Variants in MEIS2 observed in about 807,000 individuals in gnomAD.
MEIS2 encodes the protein homeobox protein Meis2.
In MEIS2, 9 loss-of-function variants were observed where a neutral mutation model predicts 58.6. The observed-to-expected ratio is 0.15, with a 90% CI of 0.09 to 0.27. The LOEUF is 0.27. Among genes scored for constraint, MEIS2 ranks in the 10% least tolerant of loss-of-function variants. The probability of loss-of-function intolerance (pLI) is 1.00; values close to 1 mark genes in which losing one functional copy is unlikely to be tolerated. For missense variants in MEIS2, 427 were observed against 635.0 expected, an observed-to-expected ratio of 0.67 and a Z score of 3.52; for synonymous variants, 221 against 228.4, an observed-to-expected ratio of 0.97 and a Z score of 0.29.
intron 8 of MEIS2, among the ~76,000 whole-genome samples, chr15:37,030,387 A>T (rs2061868058): frequency 6.6e-6 from 1 of 151,836 alleles, no homozygotes; most frequent in Non-Finnish European, 1.5e-5. Flanking sequence ...TTTAGGCTGG[A>T]GTGCAGTGGC....
chr15:36,937,845 G>A (rs989629801), intron 9 of MEIS2, among the ~76,000 whole-genome samples: 1 of 152,016 alleles, frequency 6.6e-6, no homozygotes, highest in African/African-American at 2.4e-5. Flanking sequence ...GAAAATTGGG[G>A]GTTGTCTATT....
At chr15:36,927,407 A>T (rs546913314) in intron 9 of MEIS2, among the ~76,000 whole-genome samples, 13 of 152,196 alleles carry the variant, frequency 8.5e-5, no homozygotes, top group Non-Finnish European at 1.9e-4. Flanking sequence ...GAAACGAAGG[A>T]AGGAAGGGCT....
At chr15:37,089,825 T>G (rs1006881128) in intron 6 of MEIS2, among the ~76,000 whole-genome samples, 1 of 152,174 alleles carries the variant, frequency 6.6e-6, no homozygotes, top group Non-Finnish European at 1.5e-5. Context: ...TATCTTTACA[T>G]GTAATATCTT....
intron 8 of MEIS2, among the ~76,000 whole-genome samples, chr15:36,990,690 C>T (rs1247983160): frequency 6.6e-6 from 1 of 151,204 alleles, no homozygotes; most frequent in Non-Finnish European, 1.5e-5. Context: ...TACAATGGAC[C>T]AATTTAAAGT....
chr15:36,917,176 G>A (rs769831403), intron 9 of MEIS2, among the ~76,000 whole-genome samples: 7 of 152,128 alleles, frequency 4.6e-5, no homozygotes, highest in East Asian at 1.9e-4. Flanking sequence ...CTCTTTATCC[G>A]CTATTTCCCA....
intron 8 of MEIS2, among the ~76,000 whole-genome samples, chr15:36,989,760 T>C (rs564197703): frequency 6.6e-6 from 1 of 152,348 alleles, no homozygotes; most frequent in South Asian, 2.1e-4. Flanking sequence ...ATAGCTTAAT[T>C]GTTGGTTTAC....
At position 37,100,241 on chromosome 15, in the gene MEIS2, C is replaced by T. The variant is rs1039686805; in HGVS notation, c.-775G>A. ...CCCTTTCCTGGTAGGTATTTTGTCT[C>T]TCCCTCTCTCTCTTTCTCGCTCGCT... On this transcript the variant is annotated 5_prime_UTR_variant, in exon 1 of 12. Coordinates refer to ENST00000561208, the MANE Select transcript of MEIS2 (RefSeq NM_170675.5). 6.6e-6 allele frequency: 1 copy of T among 152,562 alleles called. No homozygotes were observed. Among genetic ancestry groups the T allele is most frequent in the Admixed American group, 6.5e-5 (1 of 15,270 alleles). The allele number at this position is 152,562 out of a possible 1,614,324, so 9.5% of individuals were successfully genotyped here.
chr15:37,024,035 G>A (rs984733616), intron 8 of MEIS2, among the ~76,000 whole-genome samples: 3 of 149,550 alleles, frequency 2.0e-5, no homozygotes, highest in Non-Finnish European at 3.0e-5. Context: ...TCAGCCTCCC[G>A]ATTAGCTGGG....
chr15:36,993,877 C>T (rs1282272126), intron 8 of MEIS2, among the ~76,000 whole-genome samples: 1 of 152,092 alleles, frequency 6.6e-6, no homozygotes, highest in Non-Finnish European at 1.5e-5. Flanking sequence ...TAAATGTAGA[C>T]ATTTTTACGA....
intron 8 of MEIS2, among the ~76,000 whole-genome samples, chr15:37,008,061 A>C (rs1399101620): frequency 6.6e-6 from 1 of 152,252 alleles, no homozygotes; most frequent in East Asian, 1.9e-4. Flanking sequence ...ACAGTAGAAA[A>C]GTATTCATTT....
intron 7 of MEIS2, among the ~76,000 whole-genome samples, chr15:37,080,060 G>A (rs1162369626): frequency 3.3e-5 from 5 of 152,108 alleles, no homozygotes; most frequent in Non-Finnish European, 7.4e-5. Flanking sequence ...CCATTACAAC[G>A]ATTTTACAGC....
At chr15:36,930,275 T>C (rs1027756492) in intron 9 of MEIS2, among the ~76,000 whole-genome samples, 6 of 144,472 alleles carry the variant, frequency 4.2e-5, no homozygotes, top group East Asian at 2.0e-4. Context: ...CAGAGATATG[T>C]AGAGCTGATT....
At chr15:36,936,179 G>T (rs925293567) in intron 9 of MEIS2, among the ~76,000 whole-genome samples, 7 of 151,288 alleles carry the variant, frequency 4.6e-5, no homozygotes, top group Non-Finnish European at 1.0e-4. Flanking sequence ...TGCAAGGAGT[G>T]GGAGGTGCAT....
chr15:36,975,787 A>G (rs1340697046), intron 8 of MEIS2, among the ~76,000 whole-genome samples: 1 of 152,190 alleles, frequency 6.6e-6, no homozygotes, highest in Non-Finnish European at 1.5e-5. Context: ...TAATTTCAAG[A>G]GATCTATCGT....
chr15:37,000,745 C>T (rs149157789), intron 8 of MEIS2, among the ~76,000 whole-genome samples: 1 of 152,270 alleles, frequency 6.6e-6, no homozygotes, highest in Non-Finnish European at 1.5e-5. Context: ...TTCACTTCTA[C>T]CAGATCCTTT....
intron 8 of MEIS2, among the ~76,000 whole-genome samples, chr15:37,011,455 G>T (rs1051668624): frequency 2.0e-5 from 3 of 152,162 alleles, no homozygotes; most frequent in African/African-American, 7.2e-5. Flanking sequence ...GAGTCCAAAA[G>T]AATTAGCTTT....
intron 8 of MEIS2, among the ~76,000 whole-genome samples, chr15:37,029,386 T>C (rs530950147): frequency 6.6e-6 from 1 of 152,332 alleles, no homozygotes; most frequent in African/African-American, 2.4e-5. Flanking sequence ...CATAGCTATT[T>C]GTATTATGTA....
At chr15:36,985,904 C>A (rs936976615) in intron 8 of MEIS2, among the ~76,000 whole-genome samples, 6 of 152,164 alleles carry the variant, frequency 3.9e-5, no homozygotes, top group Middle Eastern at 3.2e-3. Flanking sequence ...CATACTAATT[C>A]TTTTATTCAA....
chr15:36,954,463 A>G (rs1184682754), intron 8 of MEIS2, among the ~76,000 whole-genome samples: 2 of 147,950 alleles, frequency 1.4e-5, no homozygotes, highest in South Asian at 2.1e-4. Flanking sequence ...GTAATTATAT[A>G]TAATTATATA....
Sources: gnomAD v4.1 joint callset for allele counts (sites outside exome capture counted in the v4.1 genomes callset) on GRCh38, gnomAD v4.1.1 for gene constraint, MANE v1.5 for transcripts, NCBI Gene and HGNC (gene_info 2026-07-23, HGNC 2026-07-21) for gene names.